ZNF367: variants seen among roughly 807,000 people sequenced by gnomAD.
The protein encoded by ZNF367 is C2H2 zinc finger protein ZFF29.
A neutral mutation model predicts 31.8 loss-of-function variants in ZNF367; 11 were observed. That is an observed-to-expected ratio of 0.35 (90% CI 0.22 to 0.57). ZNF367 has a LOEUF of 0.57. Ranked by LOEUF, ZNF367 falls within the 20% of genes least tolerant of loss-of-function variation. ZNF367 has a pLI of 0.85. For synonymous variants in ZNF367, 199 were observed against 202.4 expected, an observed-to-expected ratio of 0.98 and a Z score of 0.14; for missense variants, 353 against 484.1, an observed-to-expected ratio of 0.73 and a Z score of 2.54.
Position 96,417,201 on chromosome 9 carries a change from G to A in ZNF367, c.420+412C>T, listed in dbSNP as rs1407929147. 1.3e-5 allele frequency among the ~76,000 whole-genome samples: 2 copies of A among 152,172 alleles called. No individual in the cohort carries two copies. The highest frequency in any genetic ancestry group is 4.8e-5 in the African/African-American group (2 of 41,448). On this transcript the variant is annotated intron_variant, in intron 1 of 4. Coordinates refer to ENST00000375256, the MANE Select transcript of ZNF367 (RefSeq NM_153695.4). The surrounding 1 kb of genome is among the most constrained non-coding windows in gnomAD (Gnocchi z 5.0). ...TGCAGGGCATCTTTTAACAGGGCGA[G>A]GGCGATCTGCAGTAATGGAGCAAAC...
rs927785812 is a variant in ZNF367, at chr9:96,417,311, G to A, written c.420+302C>T. On this transcript the variant is annotated intron_variant, in intron 1 of 4. Transcript: ENST00000375256. This position sits in a 1 kb window ranked among gnomAD's most constrained non-coding sequence, Gnocchi z 5.0. ...GTTTCCTCTCGGAACTGAGGACTCG[G>A]CAGCCCGCCGGGAGGATGTCAGTGG... Among the ~76,000 whole-genome samples the A allele has an allele frequency of 2.6e-5, 4 of 152,080 alleles. No homozygotes were observed. The highest frequency in any genetic ancestry group is 4.8e-5 in the African/African-American group (2 of 41,418).
Position 96,417,942 on chromosome 9 carries a change from G to A in ZNF367, c.91C>T (p.Leu31=), listed in dbSNP as rs1429770428. Residue 31 remains leucine (L), a synonymous_variant, in exon 1 of 5, where the codon CTG becomes TTG. Coordinates refer to ENST00000375256, the MANE Select transcript of ZNF367 (RefSeq NM_153695.4). This position sits in a 1 kb window ranked among gnomAD's most constrained non-coding sequence, Gnocchi z 5.0. The part of the protein sequence containing the change: ...IFCHDSPKRV[L]VSVIRTTPIK... The stretch of plus-strand genomic sequence containing the variant: ...GGGGTCGTCCTGATGACCGACACCA[G>A]CACCCGCTTCGGGGAGTCGTGGCAG... 2 of 1,504,012 alleles carry A rather than the reference G, an allele frequency of 1.3e-6. No homozygotes were observed. Among genetic ancestry groups the A allele is most frequent in the Non-Finnish European group, 1.8e-6 (2 of 1,133,354 alleles). 93.2% of individuals were successfully genotyped at this position (1,504,012 alleles called of 1,614,324 possible).
chr9:96,415,638 C>T lies in ZNF367; in HGVS notation c.420+1975G>A, dbSNP rs899800888. Reference sequence around the variant, plus strand: ...TTAGCCTCCCAAGTAGCTGGGATTACGGGCGCCCGCCACCACGTCCGGCGA... The same window carrying T: ...TTAGCCTCCCAAGTAGCTGGGATTATGGGCGCCCGCCACCACGTCCGGCGA... On this transcript the variant is annotated intron_variant, in intron 1 of 4. Coordinates refer to ENST00000375256, the MANE Select transcript of ZNF367 (RefSeq NM_153695.4). Among the ~76,000 whole-genome samples, 4 of 151,188 alleles carry T rather than the reference C, an allele frequency of 2.6e-5. No individual in the cohort carries two copies. In the South Asian group the frequency reaches 8.4e-4, roughly 32 times the overall value.
chr9:96,409,036 C>T (rs985014002), intron 1 of ZNF367, among the ~76,000 whole-genome samples: 3 of 152,032 alleles, frequency 2.0e-5, no homozygotes, highest in Non-Finnish European at 4.4e-5. Flanking sequence ...GCTGTGCTCG[C>T]TCATATTGTT....
At chr9:96,389,736 A>G in intron 4 of ZNF367, among the ~76,000 whole-genome samples, 1 of 148,978 alleles carries the variant, frequency 6.7e-6, no homozygotes, top group Admixed American at 6.7e-5. Context: ...ATTTATTTTT[A>G]TTTTATTTTT....
At chr9:96,402,440 CTTT>C (rs1564142340) in intron 1 of ZNF367, among the ~76,000 whole-genome samples, 1 of 130,788 alleles carries the variant, frequency 7.6e-6, no homozygotes, top group Non-Finnish European at 1.6e-5. Context: ...TTACTTCTTT[CTTT>C]CTTTTTTTTT....
At position 96,386,025 on chromosome 9, in the gene ZNF367, C is replaced by A. The variant is rs1360882914; in HGVS notation, c.*2212G>T. On this transcript the variant is annotated 3_prime_UTR_variant, in exon 5 of 5. Transcript: ENST00000375256. ...TTATGCTGTTAACTCTGCCAAACTACAACTTAGCCATATGAAGCATAAAAC... is the reference window on the plus strand; with the variant it reads ...TTATGCTGTTAACTCTGCCAAACTAAAACTTAGCCATATGAAGCATAAAAC... 6.6e-6 allele frequency: 1 copy of A among 152,146 alleles called. No individual in the cohort carries two copies. The highest frequency in any genetic ancestry group is 1.5e-5 in the Non-Finnish European group (1 of 68,008). 9.4% of individuals were successfully genotyped at this position (152,146 alleles called of 1,614,324 possible).
At chr9:96,402,450 T>C (rs1831617320) in intron 1 of ZNF367, among the ~76,000 whole-genome samples, 1 of 124,084 alleles carries the variant, frequency 8.1e-6, no homozygotes, top group African/African-American at 3.2e-5. Context: ...CTTTCTTTTT[T>C]TTTTTTTTTT....
intron 4 of ZNF367, 119 bp downstream of exon 4, chr9:96,392,279 T>C (rs778468730): frequency 6.9e-7 from 1 of 1,457,608 alleles, no homozygotes; most frequent in Admixed American, 1.7e-5. Context: ...CATTTCTAAT[T>C]ATGTTATAAA....
In ZNF367 at chr9:96,417,635, C is replaced by T; in HGVS notation, c.398G>A (p.Ser133Asn). The change falls in exon 1 of 5, where the codon AGC (serine) becomes AAC (asparagine). Residue 133 changes from serine (S) to asparagine (N), a missense_variant. By Grantham distance (46) the Ser-to-Asn change is conservative (BLOSUM62 1). Around this residue, in one of 5 missense-constraint regions of ZNF367, gnomAD observed 70 missense variants for 57.1 expected, o/e 1.23. Coordinates refer to ENST00000375256, the MANE Select transcript of ZNF367 (RefSeq NM_153695.4). This position sits in a 1 kb window ranked among gnomAD's most constrained non-coding sequence, Gnocchi z 5.0. ...SGGEDEEEASSPDSGHLKDGI... is the reference protein window; with the variant it reads ...SGGEDEEEASNPDSGHLKDGI... ...CACCTTGAGGTGGCCGCTGTCTGGGCTGCTCGCTTCCTCCTCGTCCTCACC... is the reference window on the plus strand; with the variant it reads ...CACCTTGAGGTGGCCGCTGTCTGGGTTGCTCGCTTCCTCCTCGTCCTCACC... 1.2e-6 allele frequency: 1 copy of T among 803,694 alleles called. No homozygotes were observed. Among genetic ancestry groups the T allele is most frequent in the Non-Finnish European group, 1.7e-6 (1 of 603,896 alleles). The allele number at this position is 803,694 out of a possible 1,614,324, so 49.8% of individuals were successfully genotyped here.
At chr9:96,388,812 A>T (rs1307272508) in intron 4 of ZNF367, among the ~76,000 whole-genome samples, 2 of 152,236 alleles carry the variant, frequency 1.3e-5, no homozygotes, top group Non-Finnish European at 2.9e-5. Context: ...TATTTATCCT[A>T]TCTACAGAGG....
chr9:96,415,998 G>C (rs1261707475), intron 1 of ZNF367, among the ~76,000 whole-genome samples: 3 of 151,394 alleles, frequency 2.0e-5, no homozygotes, highest in African/African-American at 7.3e-5. Context: ...TGAACTCCTG[G>C]TCTCAAGTGA....
chr9:96,412,789 G>A (rs756256319), intron 1 of ZNF367, among the ~76,000 whole-genome samples: 8 of 148,366 alleles, frequency 5.4e-5, no homozygotes, highest in African/African-American at 1.0e-4. Context: ...TCTGCCTCCC[G>A]GGTTCATGTG....
rs73536984 is a variant in ZNF367 at position 96,415,372 on chromosome 9, G to C, written c.420+2241C>G. ...GTGAGCCACCCACCCGGTGGATACC[G>C]ATCCATCTTACATCTCACTAGGGGA... On this transcript the variant is annotated intron_variant, in intron 1 of 4. Coordinates refer to ENST00000375256, the MANE Select transcript of ZNF367 (RefSeq NM_153695.4). Among the ~76,000 whole-genome samples, 370 of 148,136 alleles carry C rather than the reference G, an allele frequency of 2.5e-3. 1 individual carries two copies. Among genetic ancestry groups the C allele is most frequent in the African/African-American group, 8.7e-3 (350 of 40,204 alleles).
chr9:96,408,075 G>A (rs539641361), intron 1 of ZNF367, among the ~76,000 whole-genome samples: 4 of 152,250 alleles, frequency 2.6e-5, no homozygotes, highest in African/African-American at 9.6e-5. Flanking sequence ...GGTGGCGGGA[G>A]CGGGGAGGGA....
Position 96,417,318 on chromosome 9 carries a change from G to A in ZNF367, c.420+295C>T, listed in dbSNP as rs1303761178. Among the ~76,000 whole-genome samples the A allele has an allele frequency of 1.3e-5, 2 of 152,072 alleles. No individual in the cohort carries two copies. Among genetic ancestry groups the A allele is most frequent in the Non-Finnish European group, 2.9e-5 (2 of 67,996 alleles). ...CTCGGAACTGAGGACTCGGCAGCCC[G>A]CCGGGAGGATGTCAGTGGCCGTTGA... On this transcript the variant is annotated intron_variant, in intron 1 of 4. Coordinates refer to ENST00000375256, the MANE Select transcript of ZNF367 (RefSeq NM_153695.4). This position sits in a 1 kb window ranked among gnomAD's most constrained non-coding sequence, Gnocchi z 5.0.
chr9:96,394,782 CA>C (rs201033181), intron 3 of ZNF367, 40 bp downstream of exon 3: 36,204 of 1,579,358 alleles, frequency 0.023, 483 homozygotes, highest in Non-Finnish European at 0.027. Context: ...ACTGTTAAGT[CA>C]CAACTAGTTA....
At chr9:96,403,971 A>G (rs1043655425) in intron 1 of ZNF367, among the ~76,000 whole-genome samples, 1 of 152,040 alleles carries the variant, frequency 6.6e-6, no homozygotes, top group Non-Finnish European at 1.5e-5. Flanking sequence ...AGGTGGGTGG[A>G]TTGTTTCAGC....
At chr9:96,388,768 A>AG (rs1831434897) in intron 4 of ZNF367, among the ~76,000 whole-genome samples, 2 of 152,232 alleles carry the variant, frequency 1.3e-5, no homozygotes, top group Non-Finnish European at 2.9e-5. Context: ...TGAGTAAAAT[A>AG]CAGAAATAGT....
Sources: allele counts gnomAD v4.1 joint callset (sites outside exome capture counted in the v4.1 genomes callset), GRCh38; gene constraint gnomAD v4.1.1; regional missense constraint gnomAD v4.1.1; non-coding constraint Gnocchi (gnomAD v3.1); transcripts MANE v1.5; gene names NCBI Gene and HGNC (gene_info 2026-07-23, HGNC 2026-07-21).